Variants in ANO3 observed in about 807,000 individuals in gnomAD.
ANO3 encodes the protein anoctamin-3.
A neutral mutation model predicts 144.8 loss-of-function variants in ANO3; 99 were observed. The ratio of observed to expected loss-of-function variants is 0.68; its 90% CI spans 0.58 to 0.81. The LOEUF (loss-of-function observed/expected upper bound fraction) is 0.81, where lower values mean the gene tolerates loss of function less well. Ranked by LOEUF, ANO3 falls within the 30% of genes least tolerant of loss-of-function variation. ANO3 has a pLI of 0.00. For synonymous variants in ANO3, 414 were observed against 392.6 expected, an observed-to-expected ratio of 1.05 and a Z score of -0.64; for missense variants, 905 against 1,202.2, an observed-to-expected ratio of 0.75 and a Z score of 3.66.
intron 1 of ANO3, among the ~76,000 whole-genome samples, chr11:26,369,102 T>C (rs963005092): frequency 2.0e-5 from 3 of 152,078 alleles, no homozygotes; most frequent in Non-Finnish European, 2.9e-5. Context: ...AATTTAACTC[T>C]AAAGCAATAG....
At chr11:26,623,772 T>C (rs1014955767) in intron 17 of ANO3, among the ~76,000 whole-genome samples, 1 of 151,646 alleles carries the variant, frequency 6.6e-6, no homozygotes, top group African/African-American at 2.4e-5. Flanking sequence ...TTTTTAATTT[T>C]TATTTATTTT....
At chr11:26,313,564 A>G (rs901418841) in intron 1 of ANO3, among the ~76,000 whole-genome samples, 2 of 151,868 alleles carry the variant, frequency 1.3e-5, no homozygotes, top group Non-Finnish European at 2.9e-5. Context: ...GTGCGTGCCT[A>G]TAGTCCCTGC....
At chr11:26,512,426 G>C (rs1403840248) in intron 5 of ANO3, among the ~76,000 whole-genome samples, 1 of 152,098 alleles carries the variant, frequency 6.6e-6, no homozygotes, top group Admixed American at 6.6e-5. Flanking sequence ...TGACTCCTGG[G>C]GAAAAGGTAA....
At position 26,402,813 on chromosome 11, in the gene ANO3, A is replaced by G. The variant is rs151168183; in HGVS notation, c.47-39105A>G. 2.4e-3 allele frequency among the ~76,000 whole-genome samples: 369 copies of G among 152,070 alleles called. 1 individual carries two copies. The highest frequency in any genetic ancestry group is 4.3e-3 in the Admixed American group (66 of 15,236). ...CTGTGCAACAAACCCCCATGACACA[A>G]GTTTACATATGTAACAAACCTGTAC... is the stretch of plus-strand genomic sequence containing the variant. On this transcript the variant is annotated intron_variant, in intron 1 of 26. Coordinates refer to ENST00000256737, the MANE Select transcript of ANO3 (RefSeq NM_031418.4).
chr11:26,526,101 A>G (rs956863448), intron 7 of ANO3, among the ~76,000 whole-genome samples: 9 of 152,084 alleles, frequency 5.9e-5, no homozygotes, highest in Non-Finnish European at 1.2e-4. Context: ...GTTCAGAGAG[A>G]TGAGGTGCTT....
At chr11:26,525,715 T>G (rs765750103) in intron 7 of ANO3, 36 bp downstream of exon 7, 1 of 1,558,064 alleles carries the variant, frequency 6.4e-7, no homozygotes, top group South Asian at 1.2e-5. Flanking sequence ...TATAACAAAT[T>G]TGTCGTTTTG....
At chr11:26,308,492 A>G (rs958526683), upstream of ANO3, among the ~76,000 whole-genome samples, 2 of 152,236 alleles carry the variant, frequency 1.3e-5, no homozygotes, top group African/African-American at 4.8e-5. Context: ...CTCTTATAAA[A>G]GTATTTAAGC....
chr11:26,191,793 A>G (rs1262937603), intron 1 of ANO3, among the ~76,000 whole-genome samples: 2 of 152,096 alleles, frequency 1.3e-5, no homozygotes, highest in Non-Finnish European at 2.9e-5. Context: ...CGAAATGCAT[A>G]TGGCCATATC....
intron 1 of ANO3, among the ~76,000 whole-genome samples, chr11:26,397,556 CTTAAT>C (rs1365884700): frequency 1.3e-5 from 2 of 151,878 alleles, no homozygotes. Context: ...TAATTTTTGT[CTTAAT>C]TTTATTTAAT....
At chr11:26,218,888 C>T (rs1279949014) in intron 1 of ANO3, among the ~76,000 whole-genome samples, 1 of 152,112 alleles carries the variant, frequency 6.6e-6, no homozygotes, top group African/African-American at 2.4e-5. Context: ...CATTTGAAAA[C>T]TTGATTCTAA....
intron 17 of ANO3, among the ~76,000 whole-genome samples, chr11:26,602,009 G>A (rs11601992): frequency 0.15 from 23,512 of 152,084 alleles, 2,096 homozygotes; most frequent in East Asian, 0.33. Flanking sequence ...AGGGCCCTGA[G>A]TAAGGTGAGA....
chr11:26,616,961 C>T (rs1313099042), intron 17 of ANO3, among the ~76,000 whole-genome samples: 4 of 152,162 alleles, frequency 2.6e-5, no homozygotes, highest in African/African-American at 7.2e-5. Flanking sequence ...TTAGTAGAGA[C>T]GGGGTTTCAC....
intron 23 of ANO3, among the ~76,000 whole-genome samples, chr11:26,645,152 A>T (rs1306311159): frequency 6.6e-6 from 1 of 151,978 alleles, no homozygotes; most frequent in Non-Finnish European, 1.5e-5. Context: ...TAAATTGTTG[A>T]TGCATTTAAT....
rs376573086 is a variant in ANO3, at chr11:26,531,363, C to A, written c.869+27C>A. The A allele has an allele frequency of 1.9e-6, 3 of 1,588,824 alleles. No homozygotes were observed. In the African/African-American group the frequency reaches 4.1e-5, roughly 22 times the overall value. On this transcript the variant is annotated intron_variant, in intron 8 of 26. Transcript: ENST00000256737. ...TGAGTTCCCCTCTTTTTTCATACTG[C>A]CTACCTTTATATCTTGGTGGGGCTT...
intron 14 of ANO3, among the ~76,000 whole-genome samples, chr11:26,567,860 G>C (rs781605053): frequency 6.6e-5 from 10 of 151,956 alleles, no homozygotes; most frequent in Non-Finnish European, 1.2e-4. Flanking sequence ...CGACATGGAT[G>C]ATTATCACAA....
intron 9 of ANO3, 21 bp from the exon 10 acceptor site, chr11:26,537,383 CTG>C: frequency 6.3e-7 from 1 of 1,588,128 alleles, no homozygotes; most frequent in African/African-American, 1.3e-5. Context: ...AACTCAATAA[CTG>C]TCCTTTTCTT....
At chr11:26,409,134 A>G (rs1857369628) in intron 1 of ANO3, among the ~76,000 whole-genome samples, 1 of 151,834 alleles carries the variant, frequency 6.6e-6, no homozygotes, top group Non-Finnish European at 1.5e-5. Context: ...CAATAAAAAA[A>G]AAAAAAGAAC....
intron 1 of ANO3, among the ~76,000 whole-genome samples, chr11:26,237,341 A>T (rs182150253): frequency 6.6e-6 from 1 of 152,194 alleles, no homozygotes; most frequent in Admixed American, 6.5e-5. Flanking sequence ...GGTAATTGAG[A>T]TTTGATTACA....
chr11:26,531,139 T>C (rs1849360389), intron 7 of ANO3, 66 bp from the exon 8 acceptor site: 2 of 1,564,948 alleles, frequency 1.3e-6, no homozygotes, highest in African/African-American at 2.7e-5. Context: ...AAGTGAATTG[T>C]AGTGGAAGGT....
Sources: gnomAD v4.1 joint callset for allele counts (sites outside exome capture counted in the v4.1 genomes callset) on GRCh38, gnomAD v4.1.1 for gene constraint, MANE v1.5 for transcripts, NCBI Gene and HGNC (gene_info 2026-07-23, HGNC 2026-07-21) for gene names.